CNTN3: variants seen among roughly 807,000 people sequenced by gnomAD.
The protein encoded by CNTN3 is contactin-3.
CNTN3 carries 60 observed loss-of-function variants against 119.1 expected under a neutral mutation model. The observed-to-expected ratio is 0.50, with a 90% confidence interval of 0.41 to 0.62. The LOEUF (loss-of-function observed/expected upper bound fraction) is 0.62, where lower values mean the gene tolerates loss of function less well. Among genes scored for constraint, CNTN3 ranks in the 20% least tolerant of loss-of-function variants. The pLI, the probability that CNTN3 is intolerant of heterozygous loss-of-function variation, is 0.00. For synonymous variants in CNTN3, 450 were observed against 438.7 expected (o/e 1.03, Z -0.32); for missense variants, 1,101 against 1,242.4 (o/e 0.89, Z 1.71).
intron 1 of CNTN3, among the ~76,000 whole-genome samples, chr3:74,546,140 C>T (rs939601194): frequency 1.3e-5 from 2 of 152,132 alleles, no homozygotes; most frequent in South Asian, 2.1e-4. Context: ...GGACTACAGG[C>T]GCCCGCCAGT....
At chr3:74,388,987 G>A (rs1448727044) in intron 5 of CNTN3, among the ~76,000 whole-genome samples, 2 of 152,062 alleles carry the variant, frequency 1.3e-5, no homozygotes, top group East Asian at 3.9e-4. Flanking sequence ...CGTCTTACAC[G>A]ACTGATTAAT....
chr3:74,461,113 A>G (rs962699293), intron 4 of CNTN3, among the ~76,000 whole-genome samples: 2 of 151,876 alleles, frequency 1.3e-5, no homozygotes, highest in Admixed American at 1.3e-4. Context: ...TCATACAATT[A>G]CTTTTCTTTC....
chr3:74,353,765 A>T (rs1401320418), intron 11 of CNTN3, among the ~76,000 whole-genome samples: 1 of 152,142 alleles, frequency 6.6e-6, no homozygotes, highest in Non-Finnish European at 1.5e-5. Flanking sequence ...CAAAAAAAAA[A>T]TTAATTAATT....
intron 1 of CNTN3, among the ~76,000 whole-genome samples, chr3:74,561,279 C>T (rs748745049): frequency 4.6e-5 from 7 of 151,992 alleles, no homozygotes; most frequent in African/African-American, 1.4e-4. Flanking sequence ...ATTCTCCTCC[C>T]AGCAGCCAAT....
chr3:74,326,164 G>A (rs1703125941), intron 13 of CNTN3, among the ~76,000 whole-genome samples: 1 of 151,652 alleles, frequency 6.6e-6, no homozygotes, highest in Non-Finnish European at 1.5e-5. Context: ...TCTATCTCTG[G>A]CCAAATTTAG....
chr3:74,283,782 C>CA (rs1391469209), intron 20 of CNTN3, among the ~76,000 whole-genome samples: 1 of 152,130 alleles, frequency 6.6e-6, no homozygotes, highest in African/African-American at 2.4e-5. Flanking sequence ...GAAAACCAAA[C>CA]ATATTTAGTA....
intron 5 of CNTN3, among the ~76,000 whole-genome samples, chr3:74,372,572 T>A (rs1278529034): frequency 6.6e-6 from 1 of 151,800 alleles, no homozygotes; most frequent in Non-Finnish European, 1.5e-5. Context: ...ATTACTGTAG[T>A]GCTTTCCCAA....
At chr3:74,491,528 C>A (rs931467374) in intron 3 of CNTN3, among the ~76,000 whole-genome samples, 1 of 151,752 alleles carries the variant, frequency 6.6e-6, no homozygotes, top group Non-Finnish European at 1.5e-5. Context: ...AACAAACAAA[C>A]AAAAAAAACT....
chr3:74,505,937 G>T (rs555093185), intron 2 of CNTN3, among the ~76,000 whole-genome samples: 2 of 152,216 alleles, frequency 1.3e-5, no homozygotes, highest in South Asian at 2.1e-4. Context: ...CATTGCATGG[G>T]AAGTGGCATT....
chr3:74,544,924 G>A (rs1395753318), intron 1 of CNTN3, among the ~76,000 whole-genome samples: 1 of 152,040 alleles, frequency 6.6e-6, no homozygotes, highest in Admixed American at 6.6e-5. Flanking sequence ...AATAAGATGG[G>A]GAAGTAATGG....
intron 1 of CNTN3, among the ~76,000 whole-genome samples, chr3:74,571,111 T>C (rs1456424756): frequency 6.6e-6 from 1 of 152,226 alleles, no homozygotes; most frequent in African/African-American, 2.4e-5. Flanking sequence ...TATATCTGTA[T>C]ATTTGTACTT....
chr3:74,569,906 G>A (rs1575836548), intron 1 of CNTN3, among the ~76,000 whole-genome samples: 3 of 152,230 alleles, frequency 2.0e-5, no homozygotes, highest in Middle Eastern at 6.8e-3. Context: ...TTATCTTGCT[G>A]GTGGTTGGGT....
intron 5 of CNTN3, among the ~76,000 whole-genome samples, chr3:74,419,752 G>C (rs1454000485): frequency 1.3e-5 from 2 of 152,168 alleles, no homozygotes; most frequent in Non-Finnish European, 2.9e-5. Flanking sequence ...TTGTTGAACA[G>C]AACTCATCTC....
At chr3:74,519,009 A>C (rs6763996) in intron 2 of CNTN3, among the ~76,000 whole-genome samples, 5,398 of 151,940 alleles carry the variant, frequency 0.036, 124 homozygotes, top group South Asian at 0.064. Flanking sequence ...AATTTCATGA[A>C]GGTAATCTAA....
Position 74,512,093 on chromosome 3 carries a change from T to G in CNTN3, c.55+8965A>C, listed in dbSNP as rs547557254. Among the ~76,000 whole-genome samples the G allele has an allele frequency of 1.2e-4, 18 of 152,300 alleles. No homozygotes were observed. In the South Asian group the frequency reaches 3.3e-3, roughly 28 times the overall value. On this transcript the variant is annotated intron_variant, in intron 2 of 22. Transcript: ENST00000263665. The stretch of plus-strand genomic sequence containing the variant: ...ATTTTTGATGCAAAGATAAGCAGTA[T>G]TTTTTCATTGCAGCAGTGGCAATGC...
At chr3:74,362,916 T>C (rs1448541167) in intron 10 of CNTN3, among the ~76,000 whole-genome samples, 1 of 152,226 alleles carries the variant, frequency 6.6e-6, no homozygotes, top group Non-Finnish European at 1.5e-5. Flanking sequence ...ATCCAGAGGT[T>C]GTTGGCCTTA....
At chr3:74,268,229 C>T (rs1032291879) in intron 20 of CNTN3, among the ~76,000 whole-genome samples, 1 of 151,838 alleles carries the variant, frequency 6.6e-6, no homozygotes, top group Non-Finnish European at 1.5e-5. Context: ...GAGGGATGGC[C>T]GATAGTATTT....
At chr3:74,343,234 C>T (rs2044595) in intron 11 of CNTN3, among the ~76,000 whole-genome samples, 1 of 152,058 alleles carries the variant, frequency 6.6e-6, no homozygotes, top group East Asian at 1.9e-4. Context: ...GGCAGACCAC[C>T]TCAGGCCCTC....
intron 4 of CNTN3, among the ~76,000 whole-genome samples, chr3:74,453,863 G>T (rs184000356): frequency 6.6e-6 from 1 of 152,230 alleles, no homozygotes; most frequent in East Asian, 1.9e-4. Context: ...TAGTTTGATT[G>T]CACTGTGGTC....
Sources: gnomAD v4.1 joint callset for allele counts (sites outside exome capture counted in the v4.1 genomes callset) on GRCh38, gnomAD v4.1.1 for gene constraint, MANE v1.5 for transcripts, NCBI Gene and HGNC (gene_info 2026-07-23, HGNC 2026-07-21) for gene names.